The following ZNF385D variants were observed in gnomAD, a reference collection of about 807,000 sequenced individuals.
The protein encoded by ZNF385D is zinc finger protein 659.
In ZNF385D, 15 loss-of-function variants were observed where a neutral mutation model predicts 35.8. That is an observed-to-expected ratio of 0.42 (90% CI 0.28 to 0.64). The LOEUF (loss-of-function observed/expected upper bound fraction) is 0.64. Among genes scored for constraint, ZNF385D ranks in the 30% least tolerant of loss-of-function variants. The pLI is 0.23. For synonymous variants in ZNF385D, 212 were observed against 186.8 expected, an observed-to-expected ratio of 1.13 and a Z score of -1.10; for missense variants, 474 against 494.6, an observed-to-expected ratio of 0.96 and a Z score of 0.39.
At chr3:22,371,231 T>G (rs1200412327) in intron 2 of ZNF385D, among the ~76,000 whole-genome samples, 1 of 152,134 alleles carries the variant, frequency 6.6e-6, no homozygotes. Context: ...ACCTTTCCAG[T>G]AGGTTTTAGA....
chr3:21,762,246 G>A (rs755117480), intron 3 of ZNF385D, among the ~76,000 whole-genome samples: 39 of 152,060 alleles, frequency 2.6e-4, no homozygotes, highest in Non-Finnish European at 2.6e-4. Flanking sequence ...GGATTCAGCT[G>A]CTCCGTCCAT....
At chr3:21,829,944 T>C (rs1483168858) in intron 3 of ZNF385D, among the ~76,000 whole-genome samples, 1 of 151,894 alleles carries the variant, frequency 6.6e-6, no homozygotes, top group East Asian at 2.0e-4. Context: ...GCCAACATGG[T>C]GAAACCCCAT....
intron 1 of ZNF385D, among the ~76,000 whole-genome samples, chr3:21,694,861 G>C (rs79519005): frequency 1.4e-4 from 21 of 152,226 alleles, no homozygotes; most frequent in Middle Eastern, 3.4e-3. Flanking sequence ...CAAGCAAAAA[G>C]AAGGAGAATT....
At chr3:22,102,575 C>T (rs1701994996) in intron 3 of ZNF385D, among the ~76,000 whole-genome samples, 1 of 152,024 alleles carries the variant, frequency 6.6e-6, no homozygotes, top group Admixed American at 6.6e-5. Flanking sequence ...TTAGCAACTT[C>T]TTTGCTGTCA....
chr3:21,568,726 TTTTG>T (rs2063231297), intron 2 of ZNF385D, among the ~76,000 whole-genome samples: 1 of 152,196 alleles, frequency 6.6e-6, no homozygotes, highest in African/African-American at 2.4e-5. Flanking sequence ...AGGTTTTTAT[TTTTG>T]TTTTTTAATT....
chr3:21,892,023 T>G (rs1034321449), intron 3 of ZNF385D, among the ~76,000 whole-genome samples: 6 of 152,192 alleles, frequency 3.9e-5, no homozygotes. Flanking sequence ...AAATATCCAT[T>G]TTAATTTAAC....
chr3:21,680,455 A>G (rs189653665), intron 1 of ZNF385D, among the ~76,000 whole-genome samples: 246 of 152,278 alleles, frequency 1.6e-3, no homozygotes, highest in African/African-American at 5.8e-3. Flanking sequence ...ATTTTCTAAT[A>G]TTATCACATA....
chr3:22,141,595 G>T (rs146566371), intron 3 of ZNF385D, among the ~76,000 whole-genome samples: 123 of 152,186 alleles, frequency 8.1e-4, no homozygotes, highest in African/African-American at 2.8e-3. Flanking sequence ...TGGGACCCGC[G>T]GTAGTTCACT....
intron 3 of ZNF385D, among the ~76,000 whole-genome samples, chr3:22,083,625 T>C (rs1195894026): frequency 6.6e-6 from 1 of 152,134 alleles, no homozygotes; most frequent in Non-Finnish European, 1.5e-5. Flanking sequence ...CTGAAAGTGA[T>C]GGGGAGAATG....
intron 3 of ZNF385D, among the ~76,000 whole-genome samples, chr3:21,538,539 G>T (rs746163042): frequency 1.3e-5 from 2 of 151,992 alleles, no homozygotes; most frequent in Non-Finnish European, 2.9e-5. Flanking sequence ...CTTCCACTGA[G>T]GTTTTAATTC....
intron 3 of ZNF385D, among the ~76,000 whole-genome samples, chr3:21,806,946 T>A (rs1423260565): frequency 1.3e-5 from 2 of 152,248 alleles, no homozygotes; most frequent in African/African-American, 4.8e-5. Context: ...AACAGAAATT[T>A]CATTGCCCAT....
intron 2 of ZNF385D, among the ~76,000 whole-genome samples, chr3:22,212,312 A>G (rs371955753): frequency 6.6e-6 from 1 of 151,928 alleles, no homozygotes; most frequent in African/African-American, 2.4e-5. Flanking sequence ...GACAAAAACA[A>G]CAGAGTCTCT....
At chr3:21,462,757 A>G (rs1167574022) in intron 4 of ZNF385D, among the ~76,000 whole-genome samples, 2 of 152,146 alleles carry the variant, frequency 1.3e-5, no homozygotes, top group Non-Finnish European at 2.9e-5. Context: ...CGAGGAGGGT[A>G]GATCACCTGA....
chr3:22,154,537 C>G (rs1409395566), intron 3 of ZNF385D, among the ~76,000 whole-genome samples: 3 of 152,178 alleles, frequency 2.0e-5, no homozygotes, highest in Non-Finnish European at 4.4e-5. Flanking sequence ...GATCTCTTTG[C>G]TTTGCACAAA....
chr3:22,312,058 C>G (rs993945800), intron 2 of ZNF385D, among the ~76,000 whole-genome samples: 7 of 152,074 alleles, frequency 4.6e-5, no homozygotes, highest in Admixed American at 2.6e-4. Flanking sequence ...TGCTGGAAGT[C>G]TTCACACTAC....
chr3:21,689,889 A>C (rs1308136508), intron 1 of ZNF385D, among the ~76,000 whole-genome samples: 28 of 20,410 alleles, frequency 1.4e-3, no homozygotes, highest in Non-Finnish European at 3.6e-3. Flanking sequence ...AAAATTGCAA[A>C]AAAAAAAAAA....
chr3:21,473,957 A>G (rs569493695), intron 4 of ZNF385D, among the ~76,000 whole-genome samples: 2 of 152,194 alleles, frequency 1.3e-5, no homozygotes, highest in East Asian at 3.9e-4. Flanking sequence ...TTTATATCAT[A>G]TATGCCTTGT....
intron 1 of ZNF385D, among the ~76,000 whole-genome samples, chr3:21,713,006 C>A (rs1167136452): frequency 6.6e-6 from 1 of 152,180 alleles, no homozygotes; most frequent in Non-Finnish European, 1.5e-5. Context: ...ATAAGAATCA[C>A]TCTTCGGTGT....
chr3:21,973,347 G>A (rs1292015935), intron 3 of ZNF385D, among the ~76,000 whole-genome samples: 1 of 151,876 alleles, frequency 6.6e-6, no homozygotes. Context: ...TGGTAAAAAA[G>A]CATTTGCTAC....
Sources: gnomAD v4.1 joint callset for allele counts (sites outside exome capture counted in the v4.1 genomes callset) on GRCh38, gnomAD v4.1.1 for gene constraint, MANE v1.5 for transcripts, NCBI Gene and HGNC (gene_info 2026-07-23, HGNC 2026-07-21) for gene names.